P2RY12: variants seen among roughly 807,000 people sequenced by gnomAD.
The protein encoded by P2RY12 is P2Y purinoceptor 12.
P2RY12 carries 3 observed loss-of-function variants against 4.5 expected under a neutral mutation model. That is an observed-to-expected ratio of 0.67 (90% CI 0.31 to 1.74). The LOEUF (loss-of-function observed/expected upper bound fraction) is 1.74. Ranked by LOEUF, P2RY12 falls within the 40% of genes most tolerant of loss-of-function variation. The pLI is 0.09. For missense variants in P2RY12, 356 were observed against 407.8 expected, an observed-to-expected ratio of 0.87 and a Z score of 1.09; for synonymous variants, 148 against 154.1, an observed-to-expected ratio of 0.96 and a Z score of 0.29.
chr3:151,383,899 A>T (rs374020919), intron 1 of P2RY12: 1 of 1,604,266 alleles, frequency 6.2e-7, no homozygotes, highest in South Asian at 1.1e-5. Context: ...GTATGTTTTT[A>T]TCACTTCACA....
At chr3:151,362,642 G>A (rs927978693) in intron 1 of P2RY12, among the ~76,000 whole-genome samples, 7 of 152,022 alleles carry the variant, frequency 4.6e-5, no homozygotes, top group African/African-American at 1.7e-4. Context: ...CTTCATGACA[G>A]CAGAAGCTTT....
At position 151,372,808 on chromosome 3, in the gene P2RY12, C is replaced by G. The variant is rs777375456; in HGVS notation, c.-180+11884G>C. 42 of 1,527,664 alleles carry G rather than the reference C, an allele frequency of 2.7e-5. No homozygotes were observed. In the Admixed American group the frequency reaches 3.4e-4, roughly 12 times the overall value. 94.6% of individuals were successfully genotyped at this position (1,527,664 alleles called of 1,614,324 possible). A position where few individuals can be genotyped will look rare whatever the true frequency, so the allele number is the denominator to read the frequency against. On this transcript the variant is annotated intron_variant, in intron 1 of 2. Coordinates refer to ENST00000302632, the MANE Select transcript of P2RY12 (RefSeq NM_022788.5). ...TGCCTTTTACTTTGAGTACGTAACTCTTCTTTTGGAGAGAGCTACTTACAC... is the reference window on the plus strand; with the variant it reads ...TGCCTTTTACTTTGAGTACGTAACTGTTCTTTTGGAGAGAGCTACTTACAC...
intron 1 of P2RY12, among the ~76,000 whole-genome samples, chr3:151,363,033 C>G (rs960966692): frequency 1.3e-5 from 2 of 151,972 alleles, no homozygotes; most frequent in African/African-American, 4.8e-5. Flanking sequence ...CTATTTGACC[C>G]TTAATACTCC....
At chr3:151,377,503 T>G (rs1009362813) in intron 1 of P2RY12, among the ~76,000 whole-genome samples, 4 of 152,192 alleles carry the variant, frequency 2.6e-5, no homozygotes, top group Non-Finnish European at 5.9e-5. Flanking sequence ...TTAATTATTT[T>G]GCACAAATAT....
chr3:151,342,967 G>T (rs1168989516), intron 1 of P2RY12, among the ~76,000 whole-genome samples: 1 of 152,138 alleles, frequency 6.6e-6, no homozygotes, highest in Non-Finnish European at 1.5e-5. Context: ...GAGCAGAGCA[G>T]TGAAGTTAGA....
At chr3:151,350,766 C>T (rs73006587) in intron 1 of P2RY12, among the ~76,000 whole-genome samples, 4,179 of 152,242 alleles carry the variant, frequency 0.027, 184 homozygotes, top group African/African-American at 0.096. Context: ...TTGATCTTTG[C>T]TCTATAATGT....
At chr3:151,371,850 T>A (rs1756225809) in intron 1 of P2RY12, among the ~76,000 whole-genome samples, 8 of 152,236 alleles carry the variant, frequency 5.3e-5, no homozygotes, top group Admixed American at 5.2e-4. Flanking sequence ...TTCTTATTTC[T>A]AGCTATTCAG....
At chr3:151,381,976 T>G (rs1003166461) in intron 1 of P2RY12, among the ~76,000 whole-genome samples, 3 of 152,194 alleles carry the variant, frequency 2.0e-5, no homozygotes, top group Non-Finnish European at 2.9e-5. Context: ...TAGTGGTTTT[T>G]TGTTTTTGTT....
At chr3:151,372,792 C>T (rs767321172) in intron 1 of P2RY12, 22 of 1,580,068 alleles carry the variant, frequency 1.4e-5, no homozygotes, top group Non-Finnish European at 1.9e-5. Context: ...TTGCCTTTTA[C>T]TTTGAGTACG....
chr3:151,376,414 A>G (rs1056571555), intron 1 of P2RY12, among the ~76,000 whole-genome samples: 2 of 152,196 alleles, frequency 1.3e-5, no homozygotes, highest in Admixed American at 6.5e-5. Context: ...CATCAAACAA[A>G]TATTGATATT....
intron 1 of P2RY12, chr3:151,355,003 T>G: frequency 1.4e-6 from 1 of 736,854 alleles, no homozygotes; most frequent in South Asian, 1.6e-5. Context: ...TTTATTGAAA[T>G]TCATAGAATT....
At chr3:151,350,411 G>A (rs1753077397) in intron 1 of P2RY12, among the ~76,000 whole-genome samples, 1 of 151,592 alleles carries the variant, frequency 6.6e-6, no homozygotes, top group Non-Finnish European at 1.5e-5. Context: ...ATTAATACAA[G>A]GTATTAATAT....
Position 151,338,154 on chromosome 3 carries a change from C to T in P2RY12, c.692G>A (p.Arg231Lys). 6.2e-7 allele frequency: 1 copy of T among 1,613,962 alleles called. No homozygotes were observed. Among genetic ancestry groups the T allele is most frequent in the Non-Finnish European group, 8.5e-7 (1 of 1,179,954 alleles). Residue 231 changes from arginine to lysine, a missense_variant, in exon 3 of 3, where the codon AGG (arginine) becomes AAG (lysine). Transcript: ENST00000302632. Reference sequence around the variant, plus strand: ...GAAAACTTTGACGTTCACCTTTTTCCTGGGGACTTTACCTACACCCCTCGT... The same window carrying T: ...GAAAACTTTGACGTTCACCTTTTTCTTGGGGACTTTACCTACACCCCTCGT... ...VRTRGVGKVP[R>K]KKVNVKVFII...
chr3:151,351,268 G>A (rs1180817331), intron 1 of P2RY12, among the ~76,000 whole-genome samples: 1 of 152,196 alleles, frequency 6.6e-6, no homozygotes, highest in Non-Finnish European at 1.5e-5. Context: ...TGGTGCACAT[G>A]CAGAAACATG....
intron 1 of P2RY12, chr3:151,384,302 A>G: frequency 7.6e-7 from 1 of 1,316,902 alleles, no homozygotes; most frequent in South Asian, 1.6e-5. Flanking sequence ...TACTCATTAA[A>G]TGTTATTAAT....
intron 1 of P2RY12, chr3:151,378,236 C>G: frequency 6.9e-7 from 1 of 1,449,868 alleles, no homozygotes; most frequent in Non-Finnish European, 9.2e-7. Context: ...GTCTCACTTC[C>G]TGTAAACCTG....
intron 2 of P2RY12, among the ~76,000 whole-genome samples, chr3:151,339,642 T>TAA (rs546314914): frequency 6.2e-5 from 9 of 145,476 alleles, no homozygotes; most frequent in African/African-American, 1.3e-4. Context: ...TTTAAAACAG[T>TAA]AAAAAAAAAA....
chr3:151,357,234 G>A (rs1224326702), intron 1 of P2RY12: 3 of 1,610,140 alleles, frequency 1.9e-6, no homozygotes, highest in Middle Eastern at 1.7e-4. Flanking sequence ...ACTGAGTGTT[G>A]TGGAAGCTGA....
At chr3:151,361,493 T>A (rs1754610062) in intron 1 of P2RY12, among the ~76,000 whole-genome samples, 1 of 152,196 alleles carries the variant, frequency 6.6e-6, no homozygotes, top group African/African-American at 2.4e-5. Flanking sequence ...ACCTACTTGC[T>A]ATCTTAGACT....
Sources: allele counts gnomAD v4.1 joint callset (sites outside exome capture counted in the v4.1 genomes callset), GRCh38; gene constraint gnomAD v4.1.1; transcripts MANE v1.5; gene names NCBI Gene and HGNC (gene_info 2026-07-23, HGNC 2026-07-21).